The following SYT9 variants were observed in gnomAD, a reference collection of about 807,000 sequenced individuals.
The protein encoded by SYT9 is synaptotagmin 9, also known as synaptotagmin-9.
In SYT9, 22 loss-of-function variants were observed where a neutral mutation model predicts 48.4. The observed-to-expected ratio is 0.45, with a 90% CI of 0.32 to 0.65. SYT9 has a LOEUF of 0.65. Among genes scored for constraint, SYT9 ranks in the 30% least tolerant of loss-of-function variants. SYT9 has a pLI of 0.03. For missense variants in SYT9, 577 were observed against 622.0 expected, an observed-to-expected ratio of 0.93 and a Z score of 0.77; for synonymous variants, 265 against 245.0, an observed-to-expected ratio of 1.08 and a Z score of -0.76.
chr11:7,286,900 AG>A (rs1394841196), intron 1 of SYT9, among the ~76,000 whole-genome samples: 1 of 152,262 alleles, frequency 6.6e-6, no homozygotes, highest in African/African-American at 2.4e-5. Context: ...ACAAGTCTCC[AG>A]GAAGTTCCAA....
chr11:7,419,213 T>C (rs2134102138), intron 5 of SYT9, among the ~76,000 whole-genome samples: 1 of 152,360 alleles, frequency 6.6e-6, no homozygotes, highest in African/African-American at 2.4e-5. Context: ...CAGCAATTTT[T>C]AAGCTATTGC....
chr11:7,328,247 T>C (rs1251665698), intron 3 of SYT9, among the ~76,000 whole-genome samples: 1 of 152,044 alleles, frequency 6.6e-6, no homozygotes, highest in Non-Finnish European at 1.5e-5. Flanking sequence ...AATCATTGAC[T>C]TCTAACAAGT....
intron 1 of SYT9, among the ~76,000 whole-genome samples, chr11:7,284,744 TA>T (rs879629005): frequency 3.3e-5 from 5 of 152,200 alleles, no homozygotes; most frequent in African/African-American, 9.6e-5. Context: ...TGGGAAATGT[TA>T]TTTTTTTTGC....
At chr11:7,378,738 G>T (rs1168056954) in intron 3 of SYT9, among the ~76,000 whole-genome samples, 2 of 152,036 alleles carry the variant, frequency 1.3e-5, no homozygotes, top group Non-Finnish European at 2.9e-5. Flanking sequence ...TGAGAATGTT[G>T]GCTTAATTCA....
intron 6 of SYT9, among the ~76,000 whole-genome samples, chr11:7,432,552 A>G (rs1242630743): frequency 2.5e-4 from 1 of 3,992 alleles, no homozygotes; most frequent in African/African-American, 1.0e-3. Context: ...CATCTCAAAA[A>G]AAAAAAAAAA....
chr11:7,398,085 A>G (rs574696273), intron 3 of SYT9, among the ~76,000 whole-genome samples: 2 of 152,314 alleles, frequency 1.3e-5, no homozygotes, highest in East Asian at 3.9e-4. Context: ...CATGAGTATA[A>G]TGTTAGCCGT....
chr11:7,354,189 G>A (rs560317027), intron 3 of SYT9, among the ~76,000 whole-genome samples: 14 of 152,094 alleles, frequency 9.2e-5, no homozygotes, highest in Non-Finnish European at 2.1e-4. Flanking sequence ...CACCTCTGGG[G>A]CATATGAATC....
At chr11:7,240,380 A>G (rs1011242585) in intron 1 of SYT9, among the ~76,000 whole-genome samples, 1 of 152,294 alleles carries the variant, frequency 6.6e-6, no homozygotes, top group Admixed American at 6.5e-5. Context: ...TAGATACTGA[A>G]GAAAAATAGG....
In SYT9 at chr11:7,252,339, C is replaced by T. The variant is rs1409901112; in HGVS notation, c.145+8C>T. On this transcript the variant is annotated splice_region_variant and intron_variant, in intron 1 of 6. Transcript: ENST00000318881. The surrounding 1 kb of genome is among the most constrained non-coding windows in gnomAD (Gnocchi z 6.3). ...CCCGGCTCCGCGACCCAGGTGAGTG[C>T]CGCCACCGCCGCCTGGAGGGACCTA... The T allele has an allele frequency of 6.9e-7, 1 of 1,456,640 alleles. No individual in the cohort carries two copies. The highest frequency in any genetic ancestry group is 9.1e-7 in the Non-Finnish European group (1 of 1,103,708). 90.2% of individuals were successfully genotyped at this position (1,456,640 alleles called of 1,614,324 possible).
chr11:7,333,986 T>C (rs1843984), intron 3 of SYT9, among the ~76,000 whole-genome samples: 59,218 of 152,044 alleles, frequency 0.39, 12,075 homozygotes, highest in African/African-American at 0.49. Context: ...GGCAAGCGCT[T>C]CCTGTGGCAC....
intron 6 of SYT9, among the ~76,000 whole-genome samples, chr11:7,449,091 C>G (rs1034082568): frequency 3.9e-5 from 6 of 152,054 alleles, no homozygotes; most frequent in Admixed American, 2.0e-4. Flanking sequence ...CACCTGTAAT[C>G]CCAGCGCTTT....
chr11:7,333,180 G>A (rs566500519), intron 3 of SYT9, among the ~76,000 whole-genome samples: 1 of 152,292 alleles, frequency 6.6e-6, no homozygotes, highest in South Asian at 2.1e-4. Context: ...CACTAATTAA[G>A]GGGAGTCTAA....
upstream of SYT9, among the ~76,000 whole-genome samples, chr11:7,247,674 A>G (rs1309201689): frequency 7.7e-6 from 1 of 129,982 alleles, no homozygotes; most frequent in African/African-American, 2.7e-5. Context: ...ATATATACGT[A>G]TATATGTGTG....
intron 3 of SYT9, among the ~76,000 whole-genome samples, chr11:7,343,088 T>G (rs1383287148): frequency 6.6e-6 from 1 of 152,192 alleles, no homozygotes; most frequent in Non-Finnish European, 1.5e-5. Flanking sequence ...AGACCCATTT[T>G]TTATCCTAGG....
At chr11:7,357,621 G>A (rs1850046445) in intron 3 of SYT9, among the ~76,000 whole-genome samples, 1 of 151,924 alleles carries the variant, frequency 6.6e-6, no homozygotes. Flanking sequence ...TCCATCAATT[G>A]CATCAATATA....
chr11:7,448,597 G>A (rs981508580), intron 6 of SYT9, among the ~76,000 whole-genome samples: 22 of 152,232 alleles, frequency 1.4e-4, no homozygotes, highest in African/African-American at 5.3e-4. Context: ...CGCTGAAAAT[G>A]GCAACTGTGC....
At chr11:7,397,953 G>A (rs925935270) in intron 3 of SYT9, among the ~76,000 whole-genome samples, 1 of 152,148 alleles carries the variant, frequency 6.6e-6, no homozygotes, top group Non-Finnish European at 1.5e-5. Context: ...TCTTTTTAAT[G>A]TATATGTCTT....
intron 2 of SYT9, among the ~76,000 whole-genome samples, chr11:7,309,758 A>G (rs941173325): frequency 6.6e-6 from 1 of 151,814 alleles, no homozygotes; most frequent in Non-Finnish European, 1.5e-5. Context: ...TCCCTGCTCC[A>G]CTTCCTTATT....
rs544277453 is a variant in SYT9, at chr11:7,323,028, G to T, written c.1044+9087G>T. 1.6e-3 allele frequency among the ~76,000 whole-genome samples: 244 copies of T among 151,942 alleles called. 1 individual carries two copies. The South Asian group carries it at 0.016, about 10-fold the overall frequency. On this transcript the variant is annotated intron_variant, in intron 3 of 6. Transcript: ENST00000318881. ...TGTACATAACTAGTTCTTTTTTGTT[G>T]TTTTGCAGCATGATTTTAGCATTCC...
Sources: allele counts gnomAD v4.1 joint callset (sites outside exome capture counted in the v4.1 genomes callset), GRCh38; gene constraint gnomAD v4.1.1; non-coding constraint Gnocchi (gnomAD v3.1); transcripts MANE v1.5; gene names NCBI Gene and HGNC (gene_info 2026-07-23, HGNC 2026-07-21).